RTEL1: variants seen among roughly 807,000 people sequenced by gnomAD.
RTEL1 encodes the protein regulator of telomere length.
Under a neutral mutation model 162.2 loss-of-function variants are expected in RTEL1, and 86 were observed. The ratio of observed to expected loss-of-function variants is 0.53; its 90% CI spans 0.45 to 0.63. The LOEUF is 0.63. Among genes scored for constraint, RTEL1 ranks in the 30% least tolerant of loss-of-function variants. The pLI is 0.00. For synonymous variants in RTEL1, 958 were observed against 717.9 expected, an observed-to-expected ratio of 1.33 and a Z score of -5.35; for missense variants, 1,941 against 1,750.2, an observed-to-expected ratio of 1.11 and a Z score of -1.95.
rs1417269541 is a variant in RTEL1, at chr20:63,685,547, G to A, written c.1216G>A (p.Glu406Lys). The A allele has an allele frequency of 7.4e-6, 12 of 1,612,556 alleles. No individual in the cohort carries two copies. The highest frequency in any genetic ancestry group is 3.3e-5 in the South Asian group (3 of 91,046). The change falls in exon 15 of 35, where the codon GAG becomes AAG. Residue 406 changes from glutamate to lysine, a missense_variant. By Grantham distance (56) the Glu-to-Lys change is moderately conservative. Coordinates refer to ENST00000360203, the MANE Select transcript of RTEL1 (RefSeq NM_001283009.2). ...IQIVFSVDPS[E>K]GSPGSPAGLG... Reference sequence around the variant, plus strand: ...GATTGTGTTCAGTGTGGACCCCTCCGAGGGCAGCCCTGGTTCCCCAGCAGG... The same window carrying A: ...GATTGTGTTCAGTGTGGACCCCTCCAAGGGCAGCCCTGGTTCCCCAGCAGG...
At position 63,661,815 on chromosome 20, in the gene RTEL1, A is replaced by C; in HGVS notation, c.302-35A>C. On this transcript the variant is annotated intron_variant, in intron 3 of 34. Transcript: ENST00000360203. This position sits in a 1 kb window ranked among gnomAD's most constrained non-coding sequence, Gnocchi z 5.1. ...TTGATACGTGAGAACGTTGTCTGAGAACCGTGACTTCTGTGCTTGCTTGTG... is the reference window on the plus strand; with the variant it reads ...TTGATACGTGAGAACGTTGTCTGAGCACCGTGACTTCTGTGCTTGCTTGTG... 1.5e-5 allele frequency: 23 copies of C among 1,581,200 alleles called. No homozygotes were observed. The highest frequency in any genetic ancestry group is 1.7e-5 in the Non-Finnish European group (19 of 1,150,066).
rs2090934955 is a variant in RTEL1 at position 63,694,964 on chromosome 20, C to T, written c.3333C>T (p.Pro1111=). The stretch of plus-strand genomic sequence containing the variant: ...CCACTGCAAAGCCAGAGGACTTCCC[C>T]CTGCTGCACAGCAAGTGGCCCTGGC... ...ALTTAKPEDF[P]LLHRFSMFVR... The change falls in exon 32 of 35, where the codon CCC becomes CCT. Residue 1111 remains proline, a synonymous_variant. Coordinates refer to ENST00000360203, the MANE Select transcript of RTEL1 (RefSeq NM_001283009.2). The T allele has an allele frequency of 1.9e-6, 3 of 1,612,452 alleles. No individual in the cohort carries two copies. The highest frequency in any genetic ancestry group is 1.1e-5 in the South Asian group (1 of 91,086).
In RTEL1 at chr20:63,692,912, G is replaced by A. The variant is rs1330703717; in HGVS notation, c.2760G>A (p.Gln920=). Residue 920 remains glutamine, a synonymous_variant, in exon 29 of 35, where the codon CAG becomes CAA. Coordinates refer to ENST00000360203, the MANE Select transcript of RTEL1 (RefSeq NM_001283009.2). ...ANFATFTQAL[Q]DYKGSDDFAA... ...TTGCCACCTTCACCCAGGCCCTGCA[G>A]GACTACAAGGGTTCCGATGACTTCG... 6.2e-7 allele frequency: 1 copy of A among 1,612,668 alleles called. No homozygotes were observed. Among genetic ancestry groups the A allele is most frequent in the Admixed American group, 1.7e-5 (1 of 60,012 alleles).
intron 14 of RTEL1, chr20:63,682,545 C>T (rs2090499488): frequency 2.0e-6 from 2 of 985,768 alleles, no homozygotes; most frequent in Admixed American, 6.1e-5. Context: ...TTTCCTTTGG[C>T]TGCTGCTCTA....
chr20:63,676,713 A>G (rs939052526), intron 10 of RTEL1, among the ~76,000 whole-genome samples: 1 of 152,186 alleles, frequency 6.6e-6, no homozygotes, highest in African/African-American at 2.4e-5. Flanking sequence ...AGGCAGGCGG[A>G]TCACGAGGTC....
intron 6 of RTEL1, 116 bp downstream of exon 6, chr20:63,663,005 A>C: frequency 1.0e-6 from 1 of 980,294 alleles, no homozygotes. Flanking sequence ...CAGTGCGGCC[A>C]TGTACCTGGG....
intron 2 of RTEL1, among the ~76,000 whole-genome samples, chr20:63,660,050 T>C (rs2089987322): frequency 6.6e-6 from 1 of 152,166 alleles, no homozygotes; most frequent in African/African-American, 2.4e-5. Flanking sequence ...AACATCTCGG[T>C]GGAGTAAAGA....
At chr20:63,686,180 C>G (rs2090588507) in intron 16 of RTEL1, 3 of 468,086 alleles carry the variant, frequency 6.4e-6, no homozygotes, top group Non-Finnish European at 3.9e-6. Flanking sequence ...GCCGTCAGCA[C>G]AGAGCCTCCA....
In RTEL1 at chr20:63,659,510, G is replaced by A. The variant is rs775788760; in HGVS notation, c.102+6G>A. 1 of 1,606,380 alleles carries A rather than the reference G, an allele frequency of 6.2e-7. No homozygotes were observed. On this transcript the variant is annotated splice_donor_region_variant and intron_variant, in intron 2 of 34. Transcript: ENST00000360203. ...TCCTGGAATGTCTGCAGCAGGTAGA[G>A]CACAGGCCCCGAGGAAAGGACTGCG...
chr20:63,685,053 T>C (rs1299269882), intron 14 of RTEL1, among the ~76,000 whole-genome samples: 2 of 150,480 alleles, frequency 1.3e-5, no homozygotes, highest in African/African-American at 4.9e-5. Context: ...AGGTTTTTTT[T>C]TTTTTTTTTT....
Position 63,687,637 on chromosome 20 carries a change from G to A in RTEL1, c.1349-1G>A. On this transcript the variant is annotated splice_acceptor_variant, in intron 16 of 34. Coordinates refer to ENST00000360203, the MANE Select transcript of RTEL1 (RefSeq NM_001283009.2). LOFTEE classifies it high-confidence loss of function. The stretch of plus-strand genomic sequence containing the variant: ...GCCCTCTGCCGCCCCCCGCCCCACA[G>A]GGAAGGTGCTGAGCTACTGGTGCTT... 1 of 1,605,886 alleles carries A rather than the reference G, an allele frequency of 6.2e-7. No homozygotes were observed. The highest frequency in any genetic ancestry group is 8.5e-7 in the Non-Finnish European group (1 of 1,177,350).
rs546264305 is a variant in RTEL1, at chr20:63,694,608, C to G, written c.3109+120C>G. 1.2e-5 allele frequency: 15 copies of G among 1,210,792 alleles called. No individual in the cohort carries two copies. The East Asian group carries it at 2.4e-4, about 20-fold the overall frequency. The allele number at this position is 1,210,792 out of a possible 1,614,324, so 75.0% of individuals were successfully genotyped here. A position where few individuals can be genotyped will look rare whatever the true frequency, so the allele number is the denominator to read the frequency against. Reference sequence around the variant, plus strand: ...GTGGGGAGCCATCTCATGGTGGGGACTGCTCCCGGTTCTGCACCCCGCAGT... The same window carrying G: ...GTGGGGAGCCATCTCATGGTGGGGAGTGCTCCCGGTTCTGCACCCCGCAGT... On this transcript the variant is annotated intron_variant, in intron 31 of 34. Transcript: ENST00000360203.
chr20:63,664,824 G>A (rs1486719643), intron 6 of RTEL1, among the ~76,000 whole-genome samples: 1 of 152,246 alleles, frequency 6.6e-6, no homozygotes, highest in African/African-American at 2.4e-5. Flanking sequence ...ACCCTTCCTG[G>A]CCTGCGTCCT....
chr20:63,665,856 A>G (rs2090115128), intron 6 of RTEL1, 148 bp from the exon 7 acceptor site: 8 of 641,084 alleles, frequency 1.2e-5, no homozygotes, highest in Non-Finnish European at 1.9e-5. Context: ...TGAGACCCTC[A>G]GTGGGTGCTT....
At chr20:63,667,393 T>C in intron 7 of RTEL1, 76 bp from the exon 8 acceptor site, 1 of 1,171,976 alleles carries the variant, frequency 8.5e-7, no homozygotes, top group Non-Finnish European at 1.3e-6. Context: ...TCCTTCCGGG[T>C]CAGAAGACAT....
At chr20:63,673,773 C>A (rs983730528) in intron 9 of RTEL1, among the ~76,000 whole-genome samples, 167 bp from the exon 10 acceptor site, 6 of 152,192 alleles carry the variant, frequency 3.9e-5, no homozygotes, top group Non-Finnish European at 7.3e-5. Context: ...GTGTGGGCCA[C>A]ACAGTCATGT....
upstream of RTEL1, chr20:63,658,261 G>C (rs3746341): frequency 0.45 from 68,161 of 152,276 alleles, 15,865 homozygotes; most frequent in Middle Eastern, 0.51. Context: ...CCCCTCCGCG[G>C]GGGAACAGTT....
rs1443554734 is a variant in RTEL1 at position 63,669,226 on chromosome 20, A to G, written c.699+1673A>G. On this transcript the variant is annotated intron_variant, in intron 8 of 34. Transcript: ENST00000360203. ...GGTTGATTTCTGGTTTTCTGAAAAA[A>G]TGGTGCTAAGAACAGCTGGATATCT... Among the ~76,000 whole-genome samples, 5 of 152,226 alleles carry G rather than the reference A, an allele frequency of 3.3e-5. No homozygotes were observed. The East Asian group carries it at 7.7e-4, about 23-fold the overall frequency.
chr20:63,661,752 C>T lies in RTEL1; in HGVS notation c.302-98C>T. The T allele has an allele frequency of 9.0e-7, 1 of 1,114,780 alleles. No individual in the cohort carries two copies. The highest frequency in any genetic ancestry group is 1.4e-6 in the Non-Finnish European group (1 of 737,348). The allele number at this position is 1,114,780 out of a possible 1,614,324, so 69.1% of individuals were successfully genotyped here. A position where few individuals can be genotyped will look rare whatever the true frequency, so the allele number is the denominator to read the frequency against. On this transcript the variant is annotated intron_variant, in intron 3 of 34. Transcript: ENST00000360203. The surrounding 1 kb of genome is among the most constrained non-coding windows in gnomAD (Gnocchi z 5.1). Reference sequence around the variant, plus strand: ...AGTATCTGGGGTGTCAGATTCTTGGCTGTCTGCAGGGCCGAGTTAGCCGAA... The same window carrying T: ...AGTATCTGGGGTGTCAGATTCTTGGTTGTCTGCAGGGCCGAGTTAGCCGAA...
Sources: allele counts gnomAD v4.1 joint callset (sites outside exome capture counted in the v4.1 genomes callset), GRCh38; gene constraint gnomAD v4.1.1; non-coding constraint Gnocchi (gnomAD v3.1); transcripts MANE v1.5; gene names NCBI Gene and HGNC (gene_info 2026-07-23, HGNC 2026-07-21).